TRAPPC9: variants seen among roughly 807,000 people sequenced by gnomAD.
The protein encoded by TRAPPC9 is IKK2 binding protein.
A neutral mutation model predicts 124.0 loss-of-function variants in TRAPPC9; 83 were observed. The observed-to-expected ratio is 0.67, with a 90% CI of 0.56 to 0.80. The LOEUF is 0.80. TRAPPC9 is among the 30% of genes least tolerant of loss of function. TRAPPC9 has a pLI of 0.00. For synonymous variants in TRAPPC9, 638 were observed against 617.5 expected, an observed-to-expected ratio of 1.03 and a Z score of -0.49; for missense variants, 1,302 against 1,508.3, an observed-to-expected ratio of 0.86 and a Z score of 2.27.
At chr8:140,195,655 A>G (rs2062636281) in intron 17 of TRAPPC9, among the ~76,000 whole-genome samples, 1 of 151,798 alleles carries the variant, frequency 6.6e-6, no homozygotes, top group African/African-American at 2.4e-5. Flanking sequence ...AACACACTCA[A>G]TGATCCACTA....
chr8:140,300,698 G>GA, intron 10 of TRAPPC9, 84 bp from the exon 11 acceptor site: 1 of 1,541,916 alleles, frequency 6.5e-7, no homozygotes, highest in South Asian at 1.1e-5. Flanking sequence ...TGATGTATCA[G>GA]AAAAACAGTA....
chr8:139,972,906 G>GC (rs1836196440), intron 19 of TRAPPC9, among the ~76,000 whole-genome samples: 1 of 152,312 alleles, frequency 6.6e-6, no homozygotes, highest in East Asian at 1.9e-4. Context: ...CCCAGACCCG[G>GC]CCTCAGGCTC....
chr8:140,073,211 A>G (rs151172562), intron 17 of TRAPPC9, among the ~76,000 whole-genome samples: 21 of 152,340 alleles, frequency 1.4e-4, no homozygotes, highest in African/African-American at 5.1e-4. Context: ...AGTATTTCCA[A>G]TTTATCAATA....
chr8:140,395,302 C>T (rs2069056938), intron 7 of TRAPPC9, among the ~76,000 whole-genome samples: 1 of 152,164 alleles, frequency 6.6e-6, no homozygotes. Context: ...CTGACACTTG[C>T]CACTTTGACT....
chr8:139,958,477 C>T (rs887684631), intron 19 of TRAPPC9, among the ~76,000 whole-genome samples: 5 of 152,212 alleles, frequency 3.3e-5, no homozygotes, highest in Admixed American at 1.3e-4. Flanking sequence ...ATGGCATTTG[C>T]GTCTGTGCCT....
rs761584801 is a variant in TRAPPC9, at chr8:140,450,903, G to T, written c.471C>A (p.Ile157=). 6.2e-7 allele frequency: 1 copy of T among 1,614,090 alleles called. No homozygotes were observed. The highest frequency in any genetic ancestry group is 2.2e-5 in the East Asian group (1 of 44,872). Residue 157 remains isoleucine (I), a synonymous_variant, in exon 2 of 23, where the codon ATC becomes ATA. Coordinates refer to ENST00000438773, the MANE Select transcript of TRAPPC9 (RefSeq NM_001160372.4). ...RIEDFIESLF[I]VLESKRLDRA... ...TGTCCAGACGCTTGGACTCCAGCAC[G>T]ATGAACAGTGACTCGATGAAGTCCT...
At chr8:139,932,160 G>A (rs779524720) in intron 19 of TRAPPC9, 14 of 376,898 alleles carry the variant, frequency 3.7e-5, no homozygotes, top group Non-Finnish European at 6.9e-5. Flanking sequence ...GTGCTCAGAA[G>A]CATTGACCTT....
intron 21 of TRAPPC9, among the ~76,000 whole-genome samples, chr8:139,773,742 G>A (rs1821149090): frequency 6.6e-6 from 1 of 152,220 alleles, no homozygotes; most frequent in Non-Finnish European, 1.5e-5. Flanking sequence ...CTCTGTGTGT[G>A]CGGAACCTTT....
At chr8:139,838,054 C>A (rs1024342940) in intron 21 of TRAPPC9, among the ~76,000 whole-genome samples, 2 of 152,118 alleles carry the variant, frequency 1.3e-5, no homozygotes, top group African/African-American at 4.8e-5. Flanking sequence ...CTAAAGGGCT[C>A]GCTGCACCCA....
At chr8:140,054,318 ATT>A (rs1168065862) in intron 17 of TRAPPC9, among the ~76,000 whole-genome samples, 2 of 152,210 alleles carry the variant, frequency 1.3e-5, no homozygotes, top group African/African-American at 4.8e-5. Context: ...TGAATCTAAA[ATT>A]TTGTTTCAAA....
chr8:139,829,517 C>T lies in TRAPPC9; in HGVS notation c.3055+56362G>A, dbSNP rs141093775. Among the ~76,000 whole-genome samples the T allele has an allele frequency of 1.0e-3, 159 of 152,328 alleles. 2 individuals are homozygous for T. The highest frequency in any genetic ancestry group is 7.8e-4 in the Admixed American group (12 of 15,310). On this transcript the variant is annotated intron_variant, in intron 21 of 22. Coordinates refer to ENST00000438773, the MANE Select transcript of TRAPPC9 (RefSeq NM_001160372.4). The stretch of plus-strand genomic sequence containing the variant: ...CACGCAAACACACGAGTGCAATCTA[C>T]TAACACACAGTCCCAGGAGGAGCAA...
At chr8:140,265,427 G>A (rs547452236) in intron 15 of TRAPPC9, among the ~76,000 whole-genome samples, 4 of 152,300 alleles carry the variant, frequency 2.6e-5, no homozygotes, top group African/African-American at 9.6e-5. Context: ...AGAAATAAGA[G>A]AGGAAATTCA....
intron 19 of TRAPPC9, among the ~76,000 whole-genome samples, chr8:139,919,448 C>CA (rs1832369345): frequency 6.6e-6 from 1 of 152,182 alleles, no homozygotes; most frequent in East Asian, 1.9e-4. Context: ...TGTGAATAAA[C>CA]AAAAATCACT....
intron 15 of TRAPPC9, among the ~76,000 whole-genome samples, chr8:140,269,044 C>A (rs977411767): frequency 2.6e-5 from 4 of 152,052 alleles, no homozygotes; most frequent in Non-Finnish European, 5.9e-5. Flanking sequence ...GTGGCGGAAA[C>A]GTTCTATATC....
rs1467907043 is a variant in TRAPPC9 at position 139,962,642 on chromosome 8, C to A, written c.2810+26084G>T. 1.6e-5 allele frequency among the ~76,000 whole-genome samples: 2 copies of A among 124,386 alleles called. 1 individual carries two copies. The highest frequency in any genetic ancestry group is 3.8e-5 in the Non-Finnish European group (2 of 52,200). The allele number at this position is 124,386 out of a possible 152,430, so 81.6% of individuals were successfully genotyped here. A position where few individuals can be genotyped will look rare whatever the true frequency, so the allele number is the denominator to read the frequency against. On this transcript the variant is annotated intron_variant, in intron 19 of 22. Coordinates refer to ENST00000438773, the MANE Select transcript of TRAPPC9 (RefSeq NM_001160372.4). ...ATCCTGGAGAACCCACTGCCATTCT[C>A]CCAGCCCCACTGGAAGCATGTGGCC...
At chr8:140,456,010 T>A (rs1309621967) in intron 1 of TRAPPC9, among the ~76,000 whole-genome samples, 1 of 151,966 alleles carries the variant, frequency 6.6e-6, no homozygotes. Context: ...CCAGGGGCTG[T>A]CGGAGGGGGG....
chr8:140,339,944 G>C (rs1416762672), intron 9 of TRAPPC9, among the ~76,000 whole-genome samples: 1 of 151,606 alleles, frequency 6.6e-6, no homozygotes, highest in Non-Finnish European at 1.5e-5. Flanking sequence ...CCAGGTTCAA[G>C]TGATTCTCCT....
intron 18 of TRAPPC9, among the ~76,000 whole-genome samples, chr8:140,018,330 T>TCTTTTTTC (rs201497168): frequency 6.5e-5 from 7 of 108,036 alleles, no homozygotes; most frequent in African/African-American, 2.0e-4. Context: ...AGTGATTTTT[T>TCTTTTTTC]TTTTTTTTTT....
chr8:139,817,045 A>ACACACACACACAC (rs1824887532), intron 21 of TRAPPC9, among the ~76,000 whole-genome samples: 1 of 135,288 alleles, frequency 7.4e-6, no homozygotes, highest in Admixed American at 7.4e-5. Flanking sequence ...ACATAAACTA[A>ACACACACACACAC]ACACACACAC....
Sources: allele counts gnomAD v4.1 joint callset (sites outside exome capture counted in the v4.1 genomes callset), GRCh38; gene constraint gnomAD v4.1.1; transcripts MANE v1.5; gene names NCBI Gene and HGNC (gene_info 2026-07-23, HGNC 2026-07-21).